Variants in ACBD6 observed in about 807,000 individuals in gnomAD.
The protein encoded by ACBD6 is acyl-CoA-binding domain-containing protein 6.
In ACBD6, 28 loss-of-function variants were observed where a neutral mutation model predicts 37.2. That is an observed-to-expected ratio of 0.75 (90% CI 0.56 to 1.03). The LOEUF (loss-of-function observed/expected upper bound fraction) is 1.03. ACBD6 is among the 50% of genes least tolerant of loss of function. The pLI is 0.00. For synonymous variants in ACBD6, 113 were observed against 126.8 expected (o/e 0.89, Z 0.73); for missense variants, 340 against 337.4 (o/e 1.01, Z -0.06).
chr1:180,424,693 G>A (rs1648513085), intron 4 of ACBD6, among the ~76,000 whole-genome samples: 1 of 152,066 alleles, frequency 6.6e-6, no homozygotes, highest in African/African-American at 2.4e-5. Flanking sequence ...AAGGATATGG[G>A]AAGAAGAGAA....
At chr1:180,380,469 C>T (rs1245733698) in intron 6 of ACBD6, among the ~76,000 whole-genome samples, 2 of 152,040 alleles carry the variant, frequency 1.3e-5, no homozygotes, top group African/African-American at 4.8e-5. Flanking sequence ...TTATACCCAG[C>T]ACAATTATCC....
At chr1:180,374,269 A>G (rs970854392) in intron 6 of ACBD6, among the ~76,000 whole-genome samples, 3 of 152,110 alleles carry the variant, frequency 2.0e-5, no homozygotes, top group African/African-American at 7.2e-5. Flanking sequence ...CTCCCCCCTT[A>G]CACTCACATG....
At chr1:180,454,754 C>A (rs936821369) in intron 3 of ACBD6, among the ~76,000 whole-genome samples, 2 of 152,024 alleles carry the variant, frequency 1.3e-5, no homozygotes, top group Non-Finnish European at 2.9e-5. Context: ...ACGCAGCCAA[C>A]AAACATATGA....
chr1:180,416,819 T>C (rs1648114266), intron 4 of ACBD6, among the ~76,000 whole-genome samples: 1 of 152,182 alleles, frequency 6.6e-6, no homozygotes, highest in African/African-American at 2.4e-5. Flanking sequence ...TCTACTCAGA[T>C]AGCATTTTCT....
chr1:180,274,071 G>A (rs1648863692), exon 11 of ACBD6: 1 of 1,340,586 alleles, frequency 7.5e-7, no homozygotes, highest in South Asian at 1.2e-5. Context: ...TGGCTGCAAG[G>A]CAGCTGCCAT....
chr1:180,393,107 C>T (rs903264464), intron 6 of ACBD6, among the ~76,000 whole-genome samples: 4 of 152,122 alleles, frequency 2.6e-5, no homozygotes, highest in Admixed American at 1.3e-4. Flanking sequence ...TGCGTGCGCA[C>T]GCCCGTAAGC....
intron 6 of ACBD6, among the ~76,000 whole-genome samples, chr1:180,329,033 C>T (rs1232393220): frequency 1.3e-5 from 2 of 152,106 alleles, no homozygotes; most frequent in African/African-American, 2.4e-5. Context: ...AAAACATCAT[C>T]CCTGTAAACT....
chr1:180,359,149 G>C (rs1386457580), intron 6 of ACBD6, among the ~76,000 whole-genome samples: 4 of 152,168 alleles, frequency 2.6e-5, no homozygotes, highest in Non-Finnish European at 5.9e-5. Context: ...CAATTTCAAA[G>C]TCACCTTTAA....
intron 3 of ACBD6, among the ~76,000 whole-genome samples, chr1:180,483,114 C>T (rs1651118226): frequency 2.0e-5 from 3 of 152,142 alleles, no homozygotes; most frequent in African/African-American, 7.2e-5. Context: ...TATTTCTCCA[C>T]CCCTCGTTCT....
chr1:180,355,418 C>A (rs530087871), intron 6 of ACBD6, among the ~76,000 whole-genome samples: 1 of 152,274 alleles, frequency 6.6e-6, no homozygotes, highest in East Asian at 1.9e-4. Context: ...GGGAAAACAT[C>A]TTTAAGTGCA....
chr1:180,425,344 C>T (rs1269990901), intron 4 of ACBD6, among the ~76,000 whole-genome samples: 3 of 152,202 alleles, frequency 2.0e-5, no homozygotes, highest in Non-Finnish European at 4.4e-5. Context: ...TGCCTATACC[C>T]ACTTGTGTAG....
At chr1:180,293,376 T>C (rs1649792416) in intron 7 of ACBD6, among the ~76,000 whole-genome samples, 1 of 150,860 alleles carries the variant, frequency 6.6e-6, no homozygotes, top group Admixed American at 6.6e-5. Context: ...GGCATGATCT[T>C]GGCTCACTGC....
At chr1:180,474,324 G>A (rs1361313300) in intron 3 of ACBD6, among the ~76,000 whole-genome samples, 1 of 152,078 alleles carries the variant, frequency 6.6e-6, no homozygotes, top group Non-Finnish European at 1.5e-5. Flanking sequence ...CTTAAATATA[G>A]GTGAAATTCA....
At chr1:180,400,561 A>C (rs1396414226) in intron 5 of ACBD6, among the ~76,000 whole-genome samples, 2 of 152,198 alleles carry the variant, frequency 1.3e-5, no homozygotes, top group African/African-American at 2.4e-5. Context: ...AACACAGACA[A>C]AACAAATCAG....
intron 7 of ACBD6, among the ~76,000 whole-genome samples, chr1:180,310,617 A>C (rs1339696532): frequency 6.6e-6 from 1 of 152,214 alleles, no homozygotes; most frequent in African/African-American, 2.4e-5. Context: ...AATATGCTTC[A>C]ATAAATGTTC....
chr1:180,413,683 G>A (rs1365492710), intron 4 of ACBD6, among the ~76,000 whole-genome samples: 2 of 152,014 alleles, frequency 1.3e-5, no homozygotes, highest in East Asian at 3.9e-4. Flanking sequence ...TACAGGATAA[G>A]AGAATAAAGT....
At chr1:180,427,900 C>T (rs1293947674) in intron 4 of ACBD6, among the ~76,000 whole-genome samples, 2 of 134,816 alleles carry the variant, frequency 1.5e-5, no homozygotes, top group African/African-American at 5.9e-5. Flanking sequence ...AGCTTGGTGA[C>T]AGAGCAAGAC....
chr1:180,314,149 A>G (rs1650698755), intron 7 of ACBD6, among the ~76,000 whole-genome samples: 1 of 152,182 alleles, frequency 6.6e-6, no homozygotes, highest in Non-Finnish European at 1.5e-5. Flanking sequence ...GAATTTTCAA[A>G]GGGGGCTAGC....
chr1:180,430,075 A>G, intron 4 of ACBD6, 105 bp downstream of exon 4: 4 of 964,158 alleles, frequency 4.1e-6, no homozygotes, highest in Non-Finnish European at 6.3e-6. Context: ...TTCAGGATTA[A>G]AAATATATAG....
Sources: gnomAD v4.1 joint callset for allele counts (sites outside exome capture counted in the v4.1 genomes callset) on GRCh38, gnomAD v4.1.1 for gene constraint, MANE v1.5 for transcripts, NCBI Gene and HGNC (gene_info 2026-07-23, HGNC 2026-07-21) for gene names.